ZNF383: variants seen among roughly 807,000 people sequenced by gnomAD.
The protein encoded by ZNF383 is zinc finger protein 383.
ZNF383 carries 32 observed loss-of-function variants against 44.2 expected under a neutral mutation model. The ratio of observed to expected loss-of-function variants is 0.72; its 90% CI spans 0.55 to 0.97. The LOEUF is 0.97. Ranked by LOEUF, ZNF383 falls within the 50% of genes least tolerant of loss-of-function variation. The pLI is 0.00. For synonymous variants in ZNF383, 155 were observed against 186.2 expected (o/e 0.83, Z 1.36); for missense variants, 487 against 562.5 (o/e 0.87, Z 1.36).
At chr19:37,239,732 T>G (rs1451260002) in intron 5 of ZNF383, among the ~76,000 whole-genome samples, 2 of 151,944 alleles carry the variant, frequency 1.3e-5, no homozygotes, top group East Asian at 3.9e-4. Flanking sequence ...GAGAGCTTGG[T>G]GGGGAGACTG....
Position 37,242,938 on chromosome 19 carries a change from C to T in ZNF383, c.702C>T (p.Ala234=), listed in dbSNP as rs777935217. 1 of 1,613,712 alleles carries T rather than the reference C, an allele frequency of 6.2e-7. No individual in the cohort carries two copies. Among genetic ancestry groups the T allele is most frequent in the East Asian group, 2.2e-5 (1 of 44,834 alleles). ...TTGAATGTAAGGAATGTGGAAAGGCCTTCAGTTGTAGCTCATACCTTTCTC... is the reference window on the plus strand; with the variant it reads ...TTGAATGTAAGGAATGTGGAAAGGCTTTCAGTTGTAGCTCATACCTTTCTC... ...KPFECKECGK[A]FSCSSYLSQH... Residue 234 remains alanine (A), a synonymous_variant, in exon 6 of 6, where the codon GCC becomes GCT. Transcript: ENST00000684119.
At chr19:37,238,100 C>G (rs1306804831) in intron 5 of ZNF383, among the ~76,000 whole-genome samples, 1 of 151,668 alleles carries the variant, frequency 6.6e-6, no homozygotes. Context: ...TGGGTTCAAG[C>G]GATCCACCCA....
intron 5 of ZNF383, among the ~76,000 whole-genome samples, chr19:37,240,777 C>T (rs1389444825): frequency 2.0e-5 from 3 of 152,110 alleles, no homozygotes; most frequent in Non-Finnish European, 4.4e-5. Context: ...CTGTCTCTTC[C>T]CTCATGTGAA....
chr19:37,220,181 G>T (rs1972849601), intron 1 of ZNF383, among the ~76,000 whole-genome samples: 1 of 152,010 alleles, frequency 6.6e-6, no homozygotes, highest in Non-Finnish European at 1.5e-5. Context: ...TTCATATCTT[G>T]TATTTTCACT....
At chr19:37,221,655 G>A (rs1017132423) in intron 1 of ZNF383, among the ~76,000 whole-genome samples, 4 of 148,908 alleles carry the variant, frequency 2.7e-5, no homozygotes, top group Non-Finnish European at 6.0e-5. Flanking sequence ...GTATAAAAGT[G>A]AGCATATTCC....
intron 5 of ZNF383, 41 bp downstream of exon 5, chr19:37,236,115 T>C: frequency 6.5e-7 from 1 of 1,528,758 alleles, no homozygotes; most frequent in Non-Finnish European, 9.0e-7. Context: ...TCACGATAGG[T>C]CAGAACTCAG....
At chr19:37,221,653 G>A (rs532798247) in intron 1 of ZNF383, among the ~76,000 whole-genome samples, 2 of 149,404 alleles carry the variant, frequency 1.3e-5, no homozygotes, top group East Asian at 2.0e-4. Flanking sequence ...TTGTATAAAA[G>A]TGAGCATATT....
At chr19:37,227,502 T>C (rs573254218) in intron 2 of ZNF383, 21 of 152,328 alleles carry the variant, frequency 1.4e-4, no homozygotes, top group African/African-American at 4.8e-4. Context: ...TAATAGAATG[T>C]TTACTTCCTA....
At position 37,243,162 on chromosome 19, in the gene ZNF383, C is replaced by T; in HGVS notation, c.926C>T (p.Pro309Leu). The T allele has an allele frequency of 1.2e-6, 2 of 1,614,148 alleles. No homozygotes were observed. Among genetic ancestry groups the T allele is most frequent in the Non-Finnish European group, 1.7e-6 (2 of 1,180,016 alleles). ...GCACGAATTCATACAGGTGAGAAACCCTATGAATGTAAGGAATGTGGCAAA... is the reference window on the plus strand; with the variant it reads ...GCACGAATTCATACAGGTGAGAAACTCTATGAATGTAAGGAATGTGGCAAA... ...QHARIHTGEK[P>L]YECKECGKAF... Residue 309 changes from proline (P) to leucine (L), a missense_variant, in exon 6 of 6, where the codon CCC becomes CTC. Pro to Leu is a moderately conservative substitution (Grantham distance 98). Coordinates refer to ENST00000684119, the MANE Select transcript of ZNF383 (RefSeq NM_001387601.1).
At chr19:37,234,575 A>G in intron 3 of ZNF383, among the ~76,000 whole-genome samples, 1 of 151,986 alleles carries the variant, frequency 6.6e-6, no homozygotes, top group Non-Finnish European at 1.5e-5. Context: ...TATTTTTAGT[A>G]GAGACAGGGT....
Position 37,235,586 on chromosome 19 carries a change from C to T in ZNF383, c.47C>T (p.Ser16Phe). 1.2e-6 allele frequency: 2 copies of T among 1,614,078 alleles called. No homozygotes were observed. Among genetic ancestry groups the T allele is most frequent in the East Asian group, 2.2e-5 (1 of 44,864 alleles). The change falls in exon 4 of 6, where the codon TCT (serine) becomes TTT (phenylalanine). Residue 16 changes from serine (S) to phenylalanine (F), a missense_variant. Coordinates refer to ENST00000684119, the MANE Select transcript of ZNF383 (RefSeq NM_001387601.1). ...VMFSDVSIDF[S>F]QEEWDCLDPV... ...TTCAGTGATGTGTCCATAGACTTCT[C>T]TCAGGAGGAGTGGGACTGCCTGGAC...
chr19:37,238,590 G>A (rs529976923), intron 5 of ZNF383, among the ~76,000 whole-genome samples: 19 of 152,060 alleles, frequency 1.2e-4, no homozygotes, highest in Admixed American at 7.2e-4. Flanking sequence ...CCAAGTACTC[G>A]AGTTCAGAGC....
At chr19:37,235,332 T>C (rs1470339403) in intron 3 of ZNF383, among the ~76,000 whole-genome samples, 1 of 151,930 alleles carries the variant, frequency 6.6e-6, no homozygotes, top group Non-Finnish European at 1.5e-5. Flanking sequence ...TCGTTGCTAC[T>C]GGATTAGTCA....
In ZNF383 at chr19:37,245,281, A is replaced by T. The variant is rs940973015; in HGVS notation, c.*1617A>T. On this transcript the variant is annotated 3_prime_UTR_variant, in exon 6 of 6. Transcript: ENST00000684119. ...CAGAGTGAGATTCCGTCTCAAAAAA[A>T]CACAAAAACTGCTGACCTCATTGGA... 6.6e-6 allele frequency: 1 copy of T among 152,130 alleles called. No individual in the cohort carries two copies. The highest frequency in any genetic ancestry group is 2.4e-5 in the African/African-American group (1 of 41,432). The allele number at this position is 152,130 out of a possible 1,614,324, so 9.4% of individuals were successfully genotyped here.
At chr19:37,236,803 C>T (rs1973822925) in intron 5 of ZNF383, among the ~76,000 whole-genome samples, 1 of 151,952 alleles carries the variant, frequency 6.6e-6, no homozygotes, top group African/African-American at 2.4e-5. Context: ...CTCCTGACCT[C>T]ATGATCTACC....
In ZNF383 at chr19:37,248,696, A is replaced by G. The variant is rs1273142043; in HGVS notation, c.*5032A>G. ...GAACCCTTTTTTCTAGCAGTATTTG[A>G]CAGGATGGGATATATTTTATAAATA... On this transcript the variant is annotated 3_prime_UTR_variant, in exon 6 of 6. Transcript: ENST00000684119. 6.6e-6 allele frequency: 1 copy of G among 152,216 alleles called. No individual in the cohort carries two copies. Among genetic ancestry groups the G allele is most frequent in the Non-Finnish European group, 1.5e-5 (1 of 68,026 alleles). The allele number at this position is 152,216 out of a possible 1,614,324, so 9.4% of individuals were successfully genotyped here. A position where few individuals can be genotyped will look rare whatever the true frequency, so the allele number is the denominator to read the frequency against.
intron 3 of ZNF383, among the ~76,000 whole-genome samples, chr19:37,230,679 A>G (rs1973445868): frequency 1.3e-5 from 2 of 152,268 alleles, no homozygotes; most frequent in South Asian, 4.2e-4. Context: ...TTCCGTAAAT[A>G]CCTGAGCATC....
intron 2 of ZNF383, among the ~76,000 whole-genome samples, chr19:37,229,700 A>ATGTATATGTGTGTGTATATATATG (rs772844484): frequency 1.8e-5 from 1 of 55,592 alleles, no homozygotes; most frequent in African/African-American, 1.3e-4. Flanking sequence ...ATATATATGT[A>ATGTATATGTGTGTGTATATATATG]TATATATATG....
In ZNF383 at chr19:37,219,801, T is replaced by C. The variant is rs984989514; in HGVS notation, c.-168+1527T>C. 3 of 152,210 alleles carry C rather than the reference T, an allele frequency of 2.0e-5. No homozygotes were observed. The South Asian group carries it at 6.2e-4, about 32-fold the overall frequency. The allele number at this position is 152,210 out of a possible 1,614,324, so 9.4% of individuals were successfully genotyped here. A position where few individuals can be genotyped will look rare whatever the true frequency, so the allele number is the denominator to read the frequency against. ...CTTCTCTGGATAGTCGTGGTTAACA[T>C]AGAGTCAACAAGTGACCTGGTTCTT... On this transcript the variant is annotated intron_variant, in intron 1 of 5. Coordinates refer to ENST00000684119, the MANE Select transcript of ZNF383 (RefSeq NM_001387601.1).
Sources: gnomAD v4.1 joint callset for allele counts (sites outside exome capture counted in the v4.1 genomes callset) on GRCh38, gnomAD v4.1.1 for gene constraint, MANE v1.5 for transcripts, NCBI Gene and HGNC (gene_info 2026-07-23, HGNC 2026-07-21) for gene names.